ZPBP: variants seen among roughly 807,000 people sequenced by gnomAD.
The protein encoded by ZPBP is zona pellucida binding protein, also known as zona pellucida-binding protein 1.
A neutral mutation model predicts 44.8 loss-of-function variants in ZPBP; 26 were observed. That is an observed-to-expected ratio of 0.58 (90% CI 0.43 to 0.81). ZPBP has a LOEUF of 0.81. ZPBP is among the 30% of genes least tolerant of loss of function. The pLI, the probability that ZPBP is intolerant of heterozygous loss-of-function variation, is 0.00. For missense variants in ZPBP, 409 were observed against 434.0 expected, an observed-to-expected ratio of 0.94 and a Z score of 0.51; for synonymous variants, 174 against 153.2, an observed-to-expected ratio of 1.14 and a Z score of -1.00.
intron 3 of ZPBP, among the ~76,000 whole-genome samples, chr7:50,059,318 T>C (rs527953846): frequency 7.6e-4 from 116 of 152,348 alleles, no homozygotes; most frequent in Non-Finnish European, 1.5e-3. Flanking sequence ...GTCTAGTACA[T>C]GCAAGCCCTG....
downstream of ZPBP, among the ~76,000 whole-genome samples, chr7:49,847,618 A>G (rs1356965707): frequency 3.9e-5 from 6 of 152,236 alleles, no homozygotes; most frequent in African/African-American, 1.4e-4. Context: ...ATTGAGGAAC[A>G]CACAGGGGCA....
At chr7:49,980,846 A>C (rs997949824) in intron 7 of ZPBP, among the ~76,000 whole-genome samples, 19 of 152,040 alleles carry the variant, frequency 1.2e-4, no homozygotes, top group African/African-American at 4.1e-4. Flanking sequence ...AAATCATAGC[A>C]ATATCATTCT....
At chr7:50,001,821 A>G (rs780965347) in intron 6 of ZPBP, among the ~76,000 whole-genome samples, 2 of 152,196 alleles carry the variant, frequency 1.3e-5, no homozygotes, top group Non-Finnish European at 2.9e-5. Flanking sequence ...TATTGTTAGT[A>G]GTAAAATGTA....
intron 7 of ZPBP, among the ~76,000 whole-genome samples, chr7:49,980,947 T>A (rs1035460896): frequency 6.6e-6 from 1 of 151,748 alleles, no homozygotes; most frequent in African/African-American, 2.4e-5. Context: ...TACTGACTAT[T>A]CCTTTTACTT....
At chr7:50,032,408 G>A (rs1429552823) in intron 4 of ZPBP, among the ~76,000 whole-genome samples, 1 of 152,096 alleles carries the variant, frequency 6.6e-6, no homozygotes, top group African/African-American at 2.4e-5. Flanking sequence ...TTTCTCTCCA[G>A]AAATCTGACT....
At chr7:50,008,576 C>T (rs11768623) in intron 6 of ZPBP, among the ~76,000 whole-genome samples, 6 of 151,880 alleles carry the variant, frequency 4.0e-5, no homozygotes, top group Non-Finnish European at 8.8e-5. Flanking sequence ...ATCTTGAAAA[C>T]GAACAGAAAA....
At chr7:50,089,591 T>C (rs1274054893) in intron 2 of ZPBP, 38 bp downstream of exon 2, 2 of 1,451,344 alleles carry the variant, frequency 1.4e-6, no homozygotes, top group South Asian at 1.2e-5. Flanking sequence ...CAAATGCTAA[T>C]AACTTTTAAA....
chr7:49,882,024 C>T (rs193088617), intron 2 of ZPBP, among the ~76,000 whole-genome samples: 1 of 151,794 alleles, frequency 6.6e-6, no homozygotes, highest in South Asian at 2.1e-4. Flanking sequence ...TAGAGAAGCA[C>T]CCAAGCGCCA....
At chr7:50,018,364 C>A in intron 5 of ZPBP, 48 bp from the exon 6 acceptor site, 2 of 1,352,018 alleles carry the variant, frequency 1.5e-6, no homozygotes, top group South Asian at 1.2e-5. Context: ...TATTCTGTCA[C>A]AATATTTAAA....
chr7:50,058,164 C>T lies in ZPBP; in HGVS notation c.335-23G>A, dbSNP rs779843885. 21 of 1,612,580 alleles carry T rather than the reference C, an allele frequency of 1.3e-5. No individual in the cohort carries two copies. The East Asian group carries it at 1.8e-4, about 14-fold the overall frequency. ...CTACTAAAGGAATAAGATACAGTTA[C>T]GAGTTGCTTAAATTACATGAGACAA... On this transcript the variant is annotated intron_variant, in intron 3 of 7. Transcript: ENST00000046087.
intron 2 of ZPBP, among the ~76,000 whole-genome samples, chr7:49,872,831 G>C (rs376633038): frequency 9.0e-5 from 12 of 133,632 alleles, no homozygotes; most frequent in African/African-American, 3.3e-4. Context: ...CAGGAGAATC[G>C]CTTGAAACCA....
chr7:49,865,832 G>C (rs1790862076), intron 2 of ZPBP, among the ~76,000 whole-genome samples: 1 of 152,134 alleles, frequency 6.6e-6, no homozygotes, highest in Non-Finnish European at 1.5e-5. Context: ...CTCATTCCAT[G>C]CAACCTCAGT....
At chr7:49,937,714 T>G in intron 7 of ZPBP, 92 bp from the exon 8 acceptor site, 1 of 1,039,624 alleles carries the variant, frequency 9.6e-7, no homozygotes, top group South Asian at 1.3e-5. Context: ...TATAGTTCAG[T>G]AGTATTAAGC....
Position 49,926,092 on chromosome 7 carries a change from C to T in ZPBP, n.411+9659G>A, listed in dbSNP as rs560593284. ...ACTTGGTGCCCCATAGTGAAGCATT[C>T]CATCTGCCTGTAGTTGTTGCATTAC... On this transcript the variant is annotated intron_variant and non_coding_transcript_variant, in intron 1 of 2. Coordinates refer to the ZPBP transcript ENST00000465922. Among the ~76,000 whole-genome samples, 5 of 152,274 alleles carry T rather than the reference C, an allele frequency of 3.3e-5. No homozygotes were observed. The South Asian group carries it at 1.0e-3, about 32-fold the overall frequency.
chr7:50,077,057 A>G (rs908618891), intron 3 of ZPBP, among the ~76,000 whole-genome samples: 1 of 152,014 alleles, frequency 6.6e-6, no homozygotes, highest in African/African-American at 2.4e-5. Flanking sequence ...AGACACATAG[A>G]CCAATGAAAT....
chr7:50,066,922 G>A (rs923466502), intron 3 of ZPBP, among the ~76,000 whole-genome samples: 39 of 152,092 alleles, frequency 2.6e-4, no homozygotes, highest in African/African-American at 8.0e-4. Flanking sequence ...GGTCGTCGTC[G>A]GGAGTCACTA....
chr7:49,897,052 C>T (rs1034427707), intron 2 of ZPBP, among the ~76,000 whole-genome samples: 7 of 151,884 alleles, frequency 4.6e-5, no homozygotes, highest in East Asian at 3.9e-4. Flanking sequence ...CCCGCCACCT[C>T]GCCCGGCTAA....
rs10233989 is a variant in ZPBP, at chr7:49,942,225, A to G, written c.962-4603T>C. On this transcript the variant is annotated intron_variant, in intron 7 of 7. Coordinates refer to ENST00000046087, the MANE Select transcript of ZPBP (RefSeq NM_007009.3). The stretch of plus-strand genomic sequence containing the variant: ...TCTCTTTTTTTGCATATTTTTGTAT[A>G]ATACACAACCTTTTAAACGTTACTG... 5.0e-3 allele frequency: 817 copies of G among 163,882 alleles called. 9 individuals carry two copies. Among genetic ancestry groups the G allele is most frequent in the African/African-American group, 0.018 (768 of 41,652 alleles). The allele number at this position is 163,882 out of a possible 1,614,324, so 10.2% of individuals were successfully genotyped here. A position where few individuals can be genotyped will look rare whatever the true frequency, so the allele number is the denominator to read the frequency against.
chr7:49,893,968 C>A (rs534114768), intron 2 of ZPBP, among the ~76,000 whole-genome samples: 1 of 152,144 alleles, frequency 6.6e-6, no homozygotes, highest in Non-Finnish European at 1.5e-5. Flanking sequence ...CCCTGCTGGG[C>A]TCTCACTGCT....
Sources: gnomAD v4.1 joint callset for allele counts (sites outside exome capture counted in the v4.1 genomes callset) on GRCh38, gnomAD v4.1.1 for gene constraint, MANE v1.5 for transcripts, NCBI Gene and HGNC (gene_info 2026-07-23, HGNC 2026-07-21) for gene names.